Variants in DPP10 observed in about 807,000 individuals in gnomAD.
DPP10 encodes the protein inactive dipeptidyl peptidase 10.
Under a neutral mutation model 120.9 loss-of-function variants are expected in DPP10, and 33 were observed. The observed-to-expected ratio is 0.27, with a 90% CI of 0.21 to 0.37. DPP10 has a LOEUF of 0.37. Among genes scored for constraint, DPP10 ranks in the 10% least tolerant of loss-of-function variants. The probability of loss-of-function intolerance (pLI) is 1.00; values close to 1 mark genes in which losing one functional copy is unlikely to be tolerated. For synonymous variants in DPP10, 337 were observed against 326.1 expected (o/e 1.03, Z -0.36); for missense variants, 816 against 942.8 (o/e 0.87, Z 1.76).
At chr2:115,171,547 T>G (rs1459499799) in intron 1 of DPP10, among the ~76,000 whole-genome samples, 1 of 151,688 alleles carries the variant, frequency 6.6e-6, no homozygotes. Flanking sequence ...AAACAGACAA[T>G]GGAGAGGTGA....
intron 1 of DPP10, among the ~76,000 whole-genome samples, chr2:114,821,504 A>C (rs2106358583): frequency 6.6e-6 from 1 of 152,164 alleles, no homozygotes; most frequent in South Asian, 2.1e-4. Flanking sequence ...TTTCTTAATA[A>C]CTCCTACCAC....
chr2:114,563,452 A>G (rs1352803568), intron 1 of DPP10, among the ~76,000 whole-genome samples: 1 of 152,146 alleles, frequency 6.6e-6, no homozygotes, highest in African/African-American at 2.4e-5. Context: ...GTGAATCTAG[A>G]CTTCCAAAAT....
At chr2:115,793,838 C>A (rs1038533771) in intron 19 of DPP10, among the ~76,000 whole-genome samples, 2 of 151,816 alleles carry the variant, frequency 1.3e-5, no homozygotes, top group Admixed American at 1.3e-4. Context: ...ATGTGACTTA[C>A]AAAATCCAAA....
intron 17 of DPP10, 37 bp downstream of exon 17, chr2:115,782,436 T>C: frequency 6.4e-7 from 1 of 1,569,446 alleles, no homozygotes. Context: ...ATAGTTATGG[T>C]TGGCATTAGT....
At chr2:114,592,299 G>A (rs1691527690) in intron 1 of DPP10, among the ~76,000 whole-genome samples, 1 of 152,136 alleles carries the variant, frequency 6.6e-6, no homozygotes, top group African/African-American at 2.4e-5. Flanking sequence ...CCAGACACCT[G>A]CTACTTCCTG....
intron 19 of DPP10, among the ~76,000 whole-genome samples, chr2:115,812,125 G>A (rs1400909552): frequency 6.6e-6 from 1 of 152,128 alleles, no homozygotes; most frequent in Non-Finnish European, 1.5e-5. Context: ...GAGTCCTAGT[G>A]TTTCAGTTAT....
chr2:115,203,907 T>C (rs1373194240), intron 1 of DPP10, among the ~76,000 whole-genome samples: 2 of 152,198 alleles, frequency 1.3e-5, no homozygotes, highest in Admixed American at 1.3e-4. Context: ...ATTTTCATAT[T>C]AAAGTAACTT....
intron 5 of DPP10, among the ~76,000 whole-genome samples, chr2:115,671,848 T>TAA (rs2089902009): frequency 6.6e-6 from 1 of 152,188 alleles, no homozygotes; most frequent in Non-Finnish European, 1.5e-5. Flanking sequence ...TGAGAATTTT[T>TAA]ATTCAGCATT....
At chr2:115,406,698 AG>A (rs2068533384) in intron 3 of DPP10, among the ~76,000 whole-genome samples, 1 of 152,186 alleles carries the variant, frequency 6.6e-6, no homozygotes, top group Non-Finnish European at 1.5e-5. Flanking sequence ...AGTTATAAAG[AG>A]GGATCTTTTA....
intron 1 of DPP10, among the ~76,000 whole-genome samples, chr2:114,929,754 C>T (rs1020926640): frequency 3.9e-4 from 59 of 151,948 alleles, no homozygotes; most frequent in African/African-American, 1.2e-3. Context: ...CTTCAGCTTA[C>T]GAAGATGATG....
intron 3 of DPP10, among the ~76,000 whole-genome samples, chr2:115,363,928 C>T (rs1559486806): frequency 1.3e-5 from 2 of 152,080 alleles, no homozygotes; most frequent in Non-Finnish European, 2.9e-5. Flanking sequence ...CACTTGATGG[C>T]TCAGGAAATG....
At chr2:115,537,956 G>A (rs2078958346) in intron 5 of DPP10, among the ~76,000 whole-genome samples, 1 of 151,930 alleles carries the variant, frequency 6.6e-6, no homozygotes, top group African/African-American at 2.4e-5. Context: ...TGTCCACAGG[G>A]CTACTTCCAT....
At chr2:115,790,778 C>T (rs933974269) in intron 17 of DPP10, among the ~76,000 whole-genome samples, 1 of 152,156 alleles carries the variant, frequency 6.6e-6, no homozygotes, top group Non-Finnish European at 1.5e-5. Context: ...TTGTGAATCG[C>T]ATCTCATTTG....
chr2:115,818,074 T>A (rs115831829), intron 21 of DPP10, among the ~76,000 whole-genome samples: 1,964 of 150,944 alleles, frequency 0.013, 46 homozygotes, highest in African/African-American at 0.043. Flanking sequence ...GATGGAGGGG[T>A]GACAAAAAGG....
At chr2:114,762,773 G>C (rs946019807) in intron 1 of DPP10, among the ~76,000 whole-genome samples, 4 of 152,144 alleles carry the variant, frequency 2.6e-5, no homozygotes, top group African/African-American at 9.7e-5. Context: ...AGGCACAAGA[G>C]GTTGTTTCTG....
intron 1 of DPP10, among the ~76,000 whole-genome samples, chr2:114,560,675 GC>G (rs2104940602): frequency 6.6e-6 from 1 of 152,266 alleles, no homozygotes; most frequent in East Asian, 1.9e-4. Flanking sequence ...CTCCACACAA[GC>G]CTCAGTTCTC....
intron 1 of DPP10, among the ~76,000 whole-genome samples, chr2:115,107,061 C>T (rs1232522182): frequency 2.0e-5 from 3 of 148,844 alleles, no homozygotes; most frequent in Non-Finnish European, 4.4e-5. Flanking sequence ...GGCGACAGAG[C>T]TAGGCTCTGT....
At chr2:114,943,448 A>T (rs1367705829) in intron 1 of DPP10, among the ~76,000 whole-genome samples, 1 of 152,002 alleles carries the variant, frequency 6.6e-6, no homozygotes, top group Non-Finnish European at 1.5e-5. Context: ...TAATTTTTAT[A>T]TTCTTAGTAG....
At chr2:115,583,019 G>A (rs886141718) in intron 5 of DPP10, among the ~76,000 whole-genome samples, 10 of 152,060 alleles carry the variant, frequency 6.6e-5, no homozygotes, top group Admixed American at 6.5e-5. Context: ...TTTAATCTCC[G>A]TTTTGATGAA....
Sources: gnomAD v4.1 joint callset for allele counts (sites outside exome capture counted in the v4.1 genomes callset) on GRCh38, gnomAD v4.1.1 for gene constraint, MANE v1.5 for transcripts, NCBI Gene and HGNC (gene_info 2026-07-23, HGNC 2026-07-21) for gene names.